Variants in CLIC5 observed in about 807,000 individuals in gnomAD.
CLIC5 encodes the protein chloride intracellular channel protein 5.
A neutral mutation model predicts 24.7 loss-of-function variants in CLIC5; 20 were observed. That is an observed-to-expected ratio of 0.81 (90% CI 0.57 to 1.18). CLIC5 has a LOEUF of 1.18. Among genes scored for constraint, CLIC5 ranks in the 50% most tolerant of loss-of-function variants. CLIC5 has a pLI of 0.00. For missense variants in CLIC5, 341 were observed against 326.1 expected, an observed-to-expected ratio of 1.05 and a Z score of -0.35; for synonymous variants, 159 against 135.6, an observed-to-expected ratio of 1.17 and a Z score of -1.20.
the CLIC5 span, among the ~76,000 whole-genome samples, chr6:46,101,525 G>T: frequency 6.6e-6 from 1 of 152,276 alleles, no homozygotes; most frequent in South Asian, 2.1e-4. Flanking sequence ...AGAATCAAAA[G>T]ACAAAAAGCA....
chr6:46,104,626 C>T, the CLIC5 span, among the ~76,000 whole-genome samples: 1 of 150,262 alleles, frequency 6.7e-6, no homozygotes, highest in Non-Finnish European at 1.5e-5. Flanking sequence ...TTATAATACA[C>T]CCTGAGCTTT....
intron 1 of CLIC5, among the ~76,000 whole-genome samples, chr6:46,040,762 A>T (rs991564574): frequency 1.1e-4 from 17 of 152,050 alleles, no homozygotes; most frequent in Non-Finnish European, 2.4e-4. Flanking sequence ...TGGTTTTTTT[A>T]AAAAAAGCTA....
At chr6:46,000,179 G>A (rs1318687689) in intron 1 of CLIC5, among the ~76,000 whole-genome samples, 2 of 152,194 alleles carry the variant, frequency 1.3e-5, no homozygotes, top group Admixed American at 1.3e-4. Flanking sequence ...CCCATCAGTA[G>A]TAGGCTATTA....
chr6:46,050,428 C>G (rs1340197471), intron 1 of CLIC5, among the ~76,000 whole-genome samples: 1 of 152,196 alleles, frequency 6.6e-6, no homozygotes, highest in African/African-American at 2.4e-5. Context: ...ACAAAGTAAA[C>G]TTGGCATCCT....
chr6:46,071,222 A>T (rs1352895755), intron 1 of CLIC5, among the ~76,000 whole-genome samples: 1 of 152,210 alleles, frequency 6.6e-6, no homozygotes, highest in Non-Finnish European at 1.5e-5. Flanking sequence ...AAAAATTCAC[A>T]AATGGGATCT....
intron 1 of CLIC5, among the ~76,000 whole-genome samples, chr6:46,027,532 C>T (rs548592552): frequency 6.6e-6 from 1 of 152,144 alleles, no homozygotes; most frequent in South Asian, 2.1e-4. Flanking sequence ...GAAAATCTGC[C>T]CAGAAGTTTT....
the CLIC5 span, among the ~76,000 whole-genome samples, chr6:46,098,726 CT>C: frequency 6.6e-6 from 1 of 152,168 alleles, no homozygotes; most frequent in Non-Finnish European, 1.5e-5. Context: ...ATAACTATTG[CT>C]TTCTGCTGCC....
intron 2 of CLIC5, among the ~76,000 whole-genome samples, chr6:45,950,199 C>G (rs1263554108): frequency 6.6e-6 from 1 of 152,098 alleles, no homozygotes; most frequent in Non-Finnish European, 1.5e-5. Context: ...GGGAAAGGAC[C>G]CAGAACCATG....
chr6:46,045,391 C>T (rs1239327302), intron 1 of CLIC5, among the ~76,000 whole-genome samples: 1 of 151,962 alleles, frequency 6.6e-6, no homozygotes, highest in Non-Finnish European at 1.5e-5. Flanking sequence ...CTTCCTTTTG[C>T]AATGTGGGAA....
the CLIC5 span, among the ~76,000 whole-genome samples, chr6:46,119,795 C>A: frequency 2.6e-5 from 4 of 152,350 alleles, no homozygotes; most frequent in East Asian, 1.9e-4. Context: ...TATCCTGCAC[C>A]TGGCTTGGAG....
upstream of CLIC5, among the ~76,000 whole-genome samples, chr6:46,081,459 GTAT>G (rs1238256183): frequency 2.6e-5 from 4 of 152,142 alleles, no homozygotes; most frequent in Admixed American, 6.5e-5. Context: ...CTTCAATATT[GTAT>G]CCAGGAATCT....
At chr6:46,058,824 G>A (rs1019277862) in intron 1 of CLIC5, among the ~76,000 whole-genome samples, 1 of 152,094 alleles carries the variant, frequency 6.6e-6, no homozygotes. Flanking sequence ...CAAAAAAAAA[G>A]GTATAATGTG....
chr6:45,967,443 G>A (rs536628774), intron 1 of CLIC5, among the ~76,000 whole-genome samples: 30 of 152,306 alleles, frequency 2.0e-4, no homozygotes, highest in African/African-American at 5.8e-4. Flanking sequence ...AAGGGTTCAC[G>A]GAAGGATTTG....
At chr6:46,017,530 C>T (rs1477288575), upstream of CLIC5, among the ~76,000 whole-genome samples, 1 of 152,176 alleles carries the variant, frequency 6.6e-6, no homozygotes, top group East Asian at 1.9e-4. Context: ...TGAGCCTGTC[C>T]TCTCAACTGC....
chr6:45,953,027 C>T (rs570422096), intron 2 of CLIC5, among the ~76,000 whole-genome samples: 2 of 152,068 alleles, frequency 1.3e-5, no homozygotes, highest in Non-Finnish European at 2.9e-5. Context: ...TCCAGTCTGT[C>T]CTTGAGGGAT....
chr6:46,077,830 A>G (rs1762811532), intron 1 of CLIC5, among the ~76,000 whole-genome samples: 1 of 152,138 alleles, frequency 6.6e-6, no homozygotes, highest in Non-Finnish European at 1.5e-5. Context: ...TAGTCAATCA[A>G]TTTTCCCTGT....
chr6:46,039,458 G>A (rs571841851), intron 1 of CLIC5, among the ~76,000 whole-genome samples: 4 of 152,004 alleles, frequency 2.6e-5, no homozygotes, highest in East Asian at 3.9e-4. Context: ...AGGTCATGGT[G>A]CAGAGACGGC....
intron 6 of CLIC5, among the ~76,000 whole-genome samples, chr6:45,883,430 G>T (rs1762279738): frequency 6.6e-6 from 1 of 152,192 alleles, no homozygotes; most frequent in Non-Finnish European, 1.5e-5. Context: ...GTTAGACAAG[G>T]TGGAAGTAGA....
At chr6:46,120,055 G>A in the CLIC5 span, among the ~76,000 whole-genome samples, 1 of 152,212 alleles carries the variant, frequency 6.6e-6, no homozygotes, top group African/African-American at 2.4e-5. Flanking sequence ...AGACTTAAAT[G>A]TCCCTGTCTA....
Sources: gnomAD v4.1 joint callset for allele counts (sites outside exome capture counted in the v4.1 genomes callset) on GRCh38, gnomAD v4.1.1 for gene constraint, MANE v1.5 for transcripts, NCBI Gene and HGNC (gene_info 2026-07-23, HGNC 2026-07-21) for gene names.